The following CLASP1 variants were observed in gnomAD, a reference collection of about 807,000 sequenced individuals.
CLASP1 encodes the protein CLIP-associating protein 1.
Under a neutral mutation model 192.3 loss-of-function variants are expected in CLASP1, and 38 were observed. The ratio of observed to expected loss-of-function variants is 0.20; its 90% CI spans 0.15 to 0.26. The LOEUF (loss-of-function observed/expected upper bound fraction) is 0.26, where lower values mean the gene tolerates loss of function less well. CLASP1 is among the 10% of genes least tolerant of loss of function. The pLI is 1.00. For missense variants in CLASP1, 1,433 were observed against 1,932.5 expected (o/e 0.74, Z 4.85); for synonymous variants, 691 against 712.8 (o/e 0.97, Z 0.49).
At chr2:121,543,674 G>GC (rs1461145119) in intron 2 of CLASP1, among the ~76,000 whole-genome samples, 3 of 151,994 alleles carry the variant, frequency 2.0e-5, no homozygotes, top group African/African-American at 7.3e-5. Flanking sequence ...GTTCCAGCTA[G>GC]CCCCCTCCAA....
chr2:121,504,471 C>T (rs918941407), intron 7 of CLASP1, among the ~76,000 whole-genome samples: 1 of 152,192 alleles, frequency 6.6e-6, no homozygotes, highest in African/African-American at 2.4e-5. Context: ...TTGTACCAAA[C>T]ACTATGTATG....
chr2:121,531,151 T>C (rs746361441), intron 2 of CLASP1: 33 of 614,014 alleles, frequency 5.4e-5, no homozygotes, highest in Middle Eastern at 4.3e-4. Context: ...TTTGCGGTGA[T>C]TAAACGGGAA....
In CLASP1 at chr2:121,511,600, AAAGAGAG is replaced by A. The variant is rs563199581; in HGVS notation, c.644+4058_644+4064del. On this transcript the variant is annotated intron_variant, in intron 7 of 39. Coordinates refer to ENST00000263710, the Ensembl canonical transcript of CLASP1. ...CGAAACTCCATCTCAAAAAAAAAAAAAAGAGAGAGAGAGAGAGAGCTGAAATTCAGCC... is the reference window on the plus strand; with the variant it reads ...CGAAACTCCATCTCAAAAAAAAAAAAAGAGAGAGAGAGCTGAAATTCAGCC... 2.0e-3 allele frequency among the ~76,000 whole-genome samples: 302 copies of A among 152,202 alleles called. 1 individual carries two copies. Among genetic ancestry groups the A allele is most frequent in the African/African-American group, 7.0e-3 (289 of 41,520 alleles).
chr2:121,585,966 G>A (rs1255206666), intron 2 of CLASP1, among the ~76,000 whole-genome samples: 1 of 151,898 alleles, frequency 6.6e-6, no homozygotes, highest in African/African-American at 2.4e-5. Flanking sequence ...GCTACTTGGG[G>A]GAAAAAATAG....
intron 8 of CLASP1, among the ~76,000 whole-genome samples, chr2:121,481,427 G>A (rs1283692900): frequency 2.6e-5 from 4 of 152,136 alleles, no homozygotes; most frequent in Non-Finnish European, 1.5e-5. Context: ...GATTCCAAAG[G>A]GAAAGTATCC....
chr2:121,493,139 GTAAT>G (rs2093390178), intron 8 of CLASP1, among the ~76,000 whole-genome samples: 3 of 152,066 alleles, frequency 2.0e-5, no homozygotes, highest in African/African-American at 7.2e-5. Flanking sequence ...AAATAAAAAA[GTAAT>G]CCCAAAATTT....
At chr2:121,353,864 C>T (rs2064940895) in intron 37 of CLASP1, among the ~76,000 whole-genome samples, 1 of 152,182 alleles carries the variant, frequency 6.6e-6, no homozygotes, top group African/African-American at 2.4e-5. Context: ...GATCATGGCT[C>T]ACTGCAGCCT....
At chr2:121,456,336 TAA>T (rs546786110) in intron 14 of CLASP1, among the ~76,000 whole-genome samples, 26 of 130,144 alleles carry the variant, frequency 2.0e-4, no homozygotes, top group Non-Finnish European at 1.7e-4. Flanking sequence ...CCCCCGTCTC[TAA>T]AAAAAAAAAA....
chr2:121,392,374 C>T (rs1305746295), intron 30 of CLASP1, among the ~76,000 whole-genome samples: 2 of 152,192 alleles, frequency 1.3e-5, no homozygotes, highest in Admixed American at 6.5e-5. Context: ...CAAAACAATC[C>T]TCAAACAATA....
chr2:121,639,807 A>C (rs973054452), intron 1 of CLASP1, among the ~76,000 whole-genome samples: 2 of 150,908 alleles, frequency 1.3e-5, no homozygotes, highest in Admixed American at 6.6e-5. Context: ...AGGTTGCAGT[A>C]AGCCAAGATT....
At chr2:121,598,449 A>G (rs930626902) in intron 2 of CLASP1, among the ~76,000 whole-genome samples, 1 of 152,248 alleles carries the variant, frequency 6.6e-6, no homozygotes, top group Non-Finnish European at 1.5e-5. Context: ...TGCTTTTGCA[A>G]TACAACGATT....
chr2:121,602,327 C>T (rs2105883991), intron 2 of CLASP1, among the ~76,000 whole-genome samples: 1 of 152,078 alleles, frequency 6.6e-6, no homozygotes, highest in African/African-American at 2.4e-5. Context: ...AGGATACAAA[C>T]AAATAGAAAG....
At chr2:121,594,688 G>A (rs1173546012) in intron 2 of CLASP1, among the ~76,000 whole-genome samples, 2 of 152,084 alleles carry the variant, frequency 1.3e-5, no homozygotes, top group Admixed American at 1.3e-4. Context: ...ACTGCGCCCG[G>A]CCAGTAGTCC....
At chr2:121,518,496 C>T (rs994749032) in intron 6 of CLASP1, among the ~76,000 whole-genome samples, 1 of 152,088 alleles carries the variant, frequency 6.6e-6, no homozygotes, top group African/African-American at 2.4e-5. Flanking sequence ...TTTGTTATGG[C>T]AGCCAGAGCT....
At chr2:121,364,980 T>C in intron 36 of CLASP1, 114 bp downstream of exon 37, 1 of 938,176 alleles carries the variant, frequency 1.1e-6, no homozygotes, top group South Asian at 1.4e-5. Flanking sequence ...AATGTTTTGA[T>C]GTAAACAGTA....
chr2:121,492,389 CAAAAAAAAA>C (rs761378692), intron 8 of CLASP1, among the ~76,000 whole-genome samples: 25 of 37,918 alleles, frequency 6.6e-4, no homozygotes, highest in South Asian at 2.3e-3. Flanking sequence ...ACTCCCTCTC[CAAAAAAAAA>C]AAAAAAAAAA....
intron 2 of CLASP1, among the ~76,000 whole-genome samples, chr2:121,601,322 G>A (rs1189191475): frequency 6.6e-6 from 1 of 150,968 alleles, no homozygotes; most frequent in Non-Finnish European, 1.5e-5. Context: ...GCCCAGGCTG[G>A]AGTGCAATGC....
chr2:121,616,103 T>A (rs1395189881), intron 1 of CLASP1, among the ~76,000 whole-genome samples: 2 of 152,062 alleles, frequency 1.3e-5, no homozygotes. Flanking sequence ...TACCAGAGTA[T>A]CAAGAAGGAA....
chr2:121,510,881 A>G (rs1177121532), intron 7 of CLASP1, among the ~76,000 whole-genome samples: 4 of 152,122 alleles, frequency 2.6e-5, no homozygotes, highest in Non-Finnish European at 5.9e-5. Flanking sequence ...ACCAAGAAAG[A>G]AAAGGCCTAG....
Sources: gnomAD v4.1 joint callset for allele counts (sites outside exome capture counted in the v4.1 genomes callset) on GRCh38, gnomAD v4.1.1 for gene constraint, MANE v1.5 for transcripts, NCBI Gene and HGNC (gene_info 2026-07-23, HGNC 2026-07-21) for gene names.